Variants in EML4 observed in about 807,000 individuals in gnomAD.
EML4 encodes the protein echinoderm microtubule-associated protein-like 4.
A neutral mutation model predicts 129.0 loss-of-function variants in EML4; 72 were observed. The observed-to-expected ratio is 0.56, with a 90% CI of 0.46 to 0.68. The LOEUF is 0.68. EML4 is among the 30% of genes least tolerant of loss of function. The pLI is 0.00. For synonymous variants in EML4, 532 were observed against 405.0 expected, an observed-to-expected ratio of 1.31 and a Z score of -3.77; for missense variants, 1,363 against 1,190.6, an observed-to-expected ratio of 1.14 and a Z score of -2.13.
chr2:42,172,549 G>A (rs992820605), intron 1 of EML4, among the ~76,000 whole-genome samples: 11 of 152,116 alleles, frequency 7.2e-5, no homozygotes, highest in Non-Finnish European at 1.2e-4. Context: ...TGAATTTCAG[G>A]CAACTTGGCT....
At chr2:42,321,601 A>G (rs1669526393) in intron 19 of EML4, among the ~76,000 whole-genome samples, 1 of 152,078 alleles carries the variant, frequency 6.6e-6, no homozygotes, top group African/African-American at 2.4e-5. Context: ...CACTCCTTCC[A>G]CTAAGTCAGT....
chr2:42,292,630 G>A (rs888417675), intron 11 of EML4, among the ~76,000 whole-genome samples: 3 of 152,172 alleles, frequency 2.0e-5, no homozygotes, highest in Admixed American at 6.5e-5. Flanking sequence ...ACTGGAAAGG[G>A]GATCTAGGGT....
rs190935330 is a variant in EML4 at position 42,263,208 on chromosome 2, A to C, written c.543A>C (p.Ser181=). The C allele has an allele frequency of 9.9e-6, 16 of 1,612,898 alleles. No homozygotes were observed. The East Asian group carries it at 3.6e-4, about 36-fold the overall frequency. ...AACGACCATCACCAGCTGAAAAGTC[A>C]CATAATTCTTGGGAAAATTCAGATG... ...SIKRPSPAEK[S]HNSWENSDDS... Residue 181 remains serine (S), a synonymous_variant, in exon 5 of 23, where the codon TCA becomes TCC. Transcript: ENST00000318522.
At chr2:42,234,926 G>A (rs993808897) in intron 1 of EML4, among the ~76,000 whole-genome samples, 2 of 152,222 alleles carry the variant, frequency 1.3e-5, no homozygotes, top group Non-Finnish European at 2.9e-5. Flanking sequence ...GGAGGCCAAG[G>A]CGGGTGGATC....
At chr2:42,308,389 A>T (rs1197063423) in intron 17 of EML4, among the ~76,000 whole-genome samples, 1 of 152,130 alleles carries the variant, frequency 6.6e-6, no homozygotes, top group African/African-American at 2.4e-5. Flanking sequence ...GTGCACCTGT[A>T]GTCCCTGCTA....
intron 1 of EML4, among the ~76,000 whole-genome samples, chr2:42,206,106 A>G (rs982204630): frequency 6.6e-6 from 1 of 152,220 alleles, no homozygotes; most frequent in Admixed American, 6.5e-5. Context: ...CGTTTGTACG[A>G]CATTTTTAAA....
rs1163333077 is a variant in EML4 at position 42,301,257 on chromosome 2, C to G, written c.1506C>G (p.Ser502Arg). 2 of 1,611,194 alleles carry G rather than the reference C, an allele frequency of 1.2e-6. No individual in the cohort carries two copies. Among genetic ancestry groups the G allele is most frequent in the Admixed American group, 3.4e-5 (2 of 59,528 alleles). ...GKGPKGVYQI[S>R]KQIKAHDGSV... ...TCATATTAGGTGTATATCAAATCAG[C>G]AAACAAATCAAAGCTCATGATGGCA... The change falls in exon 14 of 23, where the codon AGC becomes AGG. Residue 502 changes from serine to arginine, a missense_variant. By Grantham distance (110) the Ser-to-Arg change is moderately radical. Transcript: ENST00000318522.
At chr2:42,316,457 C>T (rs999132712) in intron 18 of EML4, among the ~76,000 whole-genome samples, 1 of 152,186 alleles carries the variant, frequency 6.6e-6, no homozygotes, top group Non-Finnish European at 1.5e-5. Flanking sequence ...TGTATAGGCC[C>T]TTCAAGTCCT....
At chr2:42,322,968 C>G (rs1669597223) in intron 19 of EML4, among the ~76,000 whole-genome samples, 1 of 152,080 alleles carries the variant, frequency 6.6e-6, no homozygotes. Context: ...CTCAAGAGTC[C>G]TTTTTGAGAA....
At chr2:42,315,872 C>T in intron 17 of EML4, 90 bp from the exon 18 acceptor site, 1 of 908,144 alleles carries the variant, frequency 1.1e-6, no homozygotes, top group Non-Finnish European at 1.8e-6. Flanking sequence ...CAAAGCAAGA[C>T]TCCATCTCAA....
chr2:42,287,309 G>A (rs1480942610), intron 10 of EML4, among the ~76,000 whole-genome samples: 1 of 152,130 alleles, frequency 6.6e-6, no homozygotes, highest in Non-Finnish European at 1.5e-5. Context: ...AAGGAGATAA[G>A]AGGTCATAAA....
chr2:42,291,003 A>G (rs1667610513), intron 11 of EML4, among the ~76,000 whole-genome samples: 1 of 152,234 alleles, frequency 6.6e-6, no homozygotes, highest in South Asian at 2.1e-4. Context: ...GTCAAAGCAC[A>G]TAAAATATAA....
chr2:42,202,410 G>GC (rs982080569), intron 1 of EML4, among the ~76,000 whole-genome samples: 26 of 152,132 alleles, frequency 1.7e-4, no homozygotes, highest in African/African-American at 6.3e-4. Context: ...TTCGAGACTA[G>GC]CCTGGTGTAT....
rs376535217 is a variant in EML4, at chr2:42,210,121, A to T, written c.26-35384A>T. Among the ~76,000 whole-genome samples the T allele has an allele frequency of 1.4e-4, 21 of 152,296 alleles. No homozygotes were observed. In the South Asian group the frequency reaches 4.3e-3, roughly 32 times the overall value. ...ACCCAATAACACATTGTATTAACTA[A>T]AATCCATAGTTTATTAAGATTTACT... On this transcript the variant is annotated intron_variant, in intron 1 of 22. Coordinates refer to ENST00000318522, the MANE Select transcript of EML4 (RefSeq NM_019063.5).
chr2:42,257,836 CAAAA>C (rs35916468), intron 3 of EML4, among the ~76,000 whole-genome samples: 1 of 110,708 alleles, frequency 9.0e-6, no homozygotes. Flanking sequence ...GACTCCGTCT[CAAAA>C]AAAAAAAAAA....
chr2:42,289,406 C>T (rs1220560174), intron 11 of EML4: 1 of 152,230 alleles, frequency 6.6e-6, no homozygotes, highest in African/African-American at 2.4e-5. Context: ...ATATGCTGCT[C>T]CCATGGCCTC....
chr2:42,287,361 T>C (rs1667366670), intron 10 of EML4, among the ~76,000 whole-genome samples: 1 of 152,202 alleles, frequency 6.6e-6, no homozygotes, highest in African/African-American at 2.4e-5. Flanking sequence ...TAAATCTCTA[T>C]AGCAGGAACT....
intron 1 of EML4, among the ~76,000 whole-genome samples, chr2:42,171,886 A>G (rs895738307): frequency 3.9e-5 from 6 of 152,180 alleles, no homozygotes; most frequent in Non-Finnish European, 7.4e-5. Context: ...TAGTGCTGGT[A>G]TATTTTACTG....
Position 42,328,910 on chromosome 2 carries a change from G to A in EML4, c.2366G>A (p.Gly789Glu), listed in dbSNP as rs777724406. 1.2e-6 allele frequency: 2 copies of A among 1,612,478 alleles called. No homozygotes were observed. Among genetic ancestry groups the A allele is most frequent in the Non-Finnish European group, 1.7e-6 (2 of 1,179,182 alleles). Reference sequence around the variant, plus strand: ...GGTGTCTGGCCAGAAGGATCTGATGGGACAGATATCAATGCACTGGTGCGA... The same window carrying A: ...GGTGTCTGGCCAGAAGGATCTGATGAGACAGATATCAATGCACTGGTGCGA... ...VFGVWPEGSDGTDINALVRSH... is the reference protein window; with the variant it reads ...VFGVWPEGSDETDINALVRSH... Residue 789 changes from glycine (G) to glutamate (E), a missense_variant, in exon 22 of 23, where the codon GGG (glycine) becomes GAG (glutamate). Coordinates refer to ENST00000318522, the MANE Select transcript of EML4 (RefSeq NM_019063.5).
Sources: allele counts gnomAD v4.1 joint callset (sites outside exome capture counted in the v4.1 genomes callset), GRCh38; gene constraint gnomAD v4.1.1; transcripts MANE v1.5; gene names NCBI Gene and HGNC (gene_info 2026-07-23, HGNC 2026-07-21).